CCDC18: variants seen among roughly 807,000 people sequenced by gnomAD.
The protein encoded by CCDC18 is coiled-coil domain containing 18, also known as coiled-coil domain-containing protein 18.
Under a neutral mutation model 196.0 loss-of-function variants are expected in CCDC18, and 157 were observed. That is an observed-to-expected ratio of 0.80 (90% CI 0.70 to 0.91). The LOEUF is 0.91. Ranked by LOEUF, CCDC18 falls within the 40% of genes least tolerant of loss-of-function variation. The pLI is 0.00. For missense variants in CCDC18, 1,465 were observed against 1,611.6 expected (o/e 0.91, Z 1.56); for synonymous variants, 482 against 529.2 (o/e 0.91, Z 1.22).
At chr1:93,228,481 C>T (rs1396684238) in intron 17 of CCDC18, among the ~76,000 whole-genome samples, 3 of 145,932 alleles carry the variant, frequency 2.1e-5, no homozygotes, top group African/African-American at 7.6e-5. Context: ...TTAGGTGCAT[C>T]AAGTAATTAT....
At chr1:93,186,926 T>A (rs1046814588) in intron 4 of CCDC18, among the ~76,000 whole-genome samples, 30 of 152,166 alleles carry the variant, frequency 2.0e-4, no homozygotes, top group Middle Eastern at 6.8e-3. Context: ...TCCAGACTGT[T>A]TTAAATAGTT....
intron 1 of CCDC18, 24 bp downstream of exon 1, chr1:93,180,876 T>A (rs2255722): frequency 7.3e-7 from 1 of 1,366,138 alleles, no homozygotes; most frequent in Admixed American, 1.9e-5. Context: ...CAGCGACGAT[T>A]TGGGTGGTGA....
intron 24 of CCDC18, 65 bp from the exon 25 acceptor site, chr1:93,256,270 C>G: frequency 7.0e-7 from 1 of 1,430,774 alleles, no homozygotes; most frequent in South Asian, 1.2e-5. Flanking sequence ...TAAGCAAAAT[C>G]AGAATAAGAA....
At chr1:93,251,160 A>G (rs1662187361) in intron 23 of CCDC18, among the ~76,000 whole-genome samples, 2 of 152,174 alleles carry the variant, frequency 1.3e-5, no homozygotes, top group Admixed American at 6.5e-5. Context: ...AAAACATCCT[A>G]TTGTTATAAC....
chr1:93,273,067 TTTC>T (rs1484690038), intron 28 of CCDC18, among the ~76,000 whole-genome samples: 1 of 146,572 alleles, frequency 6.8e-6, no homozygotes, highest in African/African-American at 2.6e-5. Flanking sequence ...ATCAATTGCT[TTTC>T]TTTTCTTTTT....
In CCDC18 at chr1:93,270,572, T is replaced by C. The variant is rs539839904; in HGVS notation, c.4111T>C (p.Ser1371Pro). The C allele has an allele frequency of 6.4e-7, 1 of 1,550,456 alleles. No individual in the cohort carries two copies. The highest frequency in any genetic ancestry group is 2.4e-5 in the East Asian group (1 of 40,876). ...CAAAATTCATGGTGATGAAGATCTT[T>C]CTGAAGAATTACTACAGGACTTAAA... ...TFKIHGDEDL[S>P]EELLQDLKKM... The change falls in exon 28 of 29, where the codon TCT becomes CCT. Residue 1371 changes from serine to proline, a missense_variant. Coordinates refer to ENST00000690025, the MANE Select transcript of CCDC18 (RefSeq NM_001378204.1).
intron 14 of CCDC18, among the ~76,000 whole-genome samples, chr1:93,221,119 G>A (rs576779364): frequency 3.3e-5 from 5 of 152,310 alleles, no homozygotes; most frequent in African/African-American, 1.2e-4. Flanking sequence ...ATAATAGAAT[G>A]ACTTACATTC....
intron 24 of CCDC18, among the ~76,000 whole-genome samples, chr1:93,255,680 G>C (rs528409717): frequency 6.6e-6 from 1 of 152,068 alleles, no homozygotes; most frequent in Admixed American, 6.6e-5. Context: ...AGGCTGCAGT[G>C]ATTTGTGATC....
At chr1:93,256,565 G>T (rs745988449) in intron 25 of CCDC18, 27 bp downstream of exon 25, 1 of 1,558,122 alleles carries the variant, frequency 6.4e-7, no homozygotes, top group Non-Finnish European at 8.8e-7. Flanking sequence ...ATAATCTTAT[G>T]TATCTGAAAT....
chr1:93,182,303 C>T (rs913958452), intron 1 of CCDC18, among the ~76,000 whole-genome samples: 1 of 152,152 alleles, frequency 6.6e-6, no homozygotes, highest in Admixed American at 6.5e-5. Flanking sequence ...TGTAACATAC[C>T]ATTCTAACTG....
intron 26 of CCDC18, among the ~76,000 whole-genome samples, chr1:93,259,988 CTA>C (rs926143369): frequency 4.6e-5 from 7 of 152,136 alleles, no homozygotes; most frequent in Admixed American, 2.0e-4. Flanking sequence ...TTCAGTATTG[CTA>C]TCTTTTTAAA....
In CCDC18 at chr1:93,239,164, A is replaced by AT. The variant is rs1207694121; in HGVS notation, c.2604-141dup. ...TAAAGGAATAGTTTTTAGTTGGAGA[A>AT]TTTTTAAAAATAGGTGATTTAAAAT... On this transcript the variant is annotated intron_variant, in intron 19 of 28. Coordinates refer to ENST00000690025, the MANE Select transcript of CCDC18 (RefSeq NM_001378204.1). 11 of 582,682 alleles carry AT rather than the reference A, an allele frequency of 1.9e-5. No individual in the cohort carries two copies. In the East Asian group the frequency reaches 2.3e-4, roughly 12 times the overall value. 36.1% of individuals were successfully genotyped at this position (582,682 alleles called of 1,614,324 possible). A position where few individuals can be genotyped will look rare whatever the true frequency, so the allele number is the denominator to read the frequency against.
chr1:93,199,493 C>T (rs1259907684), intron 6 of CCDC18, among the ~76,000 whole-genome samples: 1 of 152,216 alleles, frequency 6.6e-6, no homozygotes, highest in Admixed American at 6.5e-5. Flanking sequence ...ACAGCCCTGG[C>T]TCGGGAAGCT....
chr1:93,248,172 G>A lies in CCDC18; in HGVS notation c.3198+1218G>A, dbSNP rs372299727. Among the ~76,000 whole-genome samples, 34 of 151,732 alleles carry A rather than the reference G, an allele frequency of 2.2e-4. No homozygotes were observed. In the East Asian group the frequency reaches 5.2e-3, roughly 23 times the overall value. Reference sequence around the variant, plus strand: ...TGGGATTACAGGTGCCCACCACCACGCTCAGCTAATTTTTGTATTTTTAGT... The same window carrying A: ...TGGGATTACAGGTGCCCACCACCACACTCAGCTAATTTTTGTATTTTTAGT... On this transcript the variant is annotated intron_variant, in intron 23 of 28. Transcript: ENST00000690025.
At chr1:93,213,646 A>C (rs985307594) in intron 11 of CCDC18, among the ~76,000 whole-genome samples, 1 of 151,970 alleles carries the variant, frequency 6.6e-6, no homozygotes, top group African/African-American at 2.4e-5. Context: ...TTTATTTCCA[A>C]ATATTTGGAG....
intron 22 of CCDC18, among the ~76,000 whole-genome samples, 185 bp downstream of exon 22, chr1:93,246,389 T>G (rs1661502227): frequency 6.6e-6 from 1 of 152,182 alleles, no homozygotes; most frequent in South Asian, 2.1e-4. Context: ...AGCAAGTAGA[T>G]TTTGAAAATG....
At position 93,221,591 on chromosome 1, in the gene CCDC18, T is replaced by G; in HGVS notation, c.1963-18T>G. On this transcript the variant is annotated intron_variant, in intron 14 of 28. Coordinates refer to ENST00000690025, the MANE Select transcript of CCDC18 (RefSeq NM_001378204.1). ...AATTTTAAAATATTTAATATGAAAA[T>G]TCTGTTTTCATGTTTAGCTTGAAGC... is the stretch of plus-strand genomic sequence containing the variant. 1 of 1,451,680 alleles carries G rather than the reference T, an allele frequency of 6.9e-7. No homozygotes were observed. The highest frequency in any genetic ancestry group is 9.1e-7 in the Non-Finnish European group (1 of 1,095,022). The allele number at this position is 1,451,680 out of a possible 1,614,324, so 89.9% of individuals were successfully genotyped here. A position where few individuals can be genotyped will look rare whatever the true frequency, so the allele number is the denominator to read the frequency against.
At chr1:93,254,979 G>C (rs944635271) in intron 24 of CCDC18, among the ~76,000 whole-genome samples, 2 of 96,178 alleles carry the variant, frequency 2.1e-5, no homozygotes, top group Non-Finnish European at 3.7e-5. Flanking sequence ...TTGAGACTGA[G>C]TCTCTCTCTG....
chr1:93,189,761 C>T (rs114142619), intron 4 of CCDC18, among the ~76,000 whole-genome samples: 2,975 of 152,216 alleles, frequency 0.02, 44 homozygotes, highest in Non-Finnish European at 0.031. Context: ...CTCCTGGGCA[C>T]AAGTGATCCT....
Sources: allele counts gnomAD v4.1 joint callset (sites outside exome capture counted in the v4.1 genomes callset), GRCh38; gene constraint gnomAD v4.1.1; transcripts MANE v1.5; gene names NCBI Gene and HGNC (gene_info 2026-07-23, HGNC 2026-07-21).